Variants in PROM1 observed in about 807,000 individuals in gnomAD.
PROM1 encodes the protein prominin-1.
Under a neutral mutation model 116.9 loss-of-function variants are expected in PROM1, and 105 were observed. The observed-to-expected ratio is 0.90, with a 90% CI of 0.77 to 1.06. The LOEUF is 1.06. PROM1 is among the 50% of genes least tolerant of loss of function. The pLI, the probability that PROM1 is intolerant of heterozygous loss-of-function variation, is 0.00. For synonymous variants in PROM1, 393 were observed against 387.0 expected (o/e 1.02, Z -0.18); for missense variants, 1,122 against 1,045.2 (o/e 1.07, Z -1.01).
At chr4:16,028,477 T>C (rs1277483989) in intron 5 of PROM1, among the ~76,000 whole-genome samples, 1 of 152,166 alleles carries the variant, frequency 6.6e-6, no homozygotes, top group Non-Finnish European at 1.5e-5. Flanking sequence ...TTTTTAAATA[T>C]TAGCAACTAA....
intron 8 of PROM1, among the ~76,000 whole-genome samples, chr4:16,020,720 G>A (rs953073756): frequency 2.0e-5 from 3 of 152,144 alleles, no homozygotes; most frequent in Non-Finnish European, 2.9e-5. Flanking sequence ...CATGGCCCAG[G>A]AAATGTGTAT....
At position 16,042,410 on chromosome 4, in the gene PROM1, G is replaced by A. The variant is rs571108195; in HGVS notation, c.221-3409C>T. Among the ~76,000 whole-genome samples, 6 of 152,250 alleles carry A rather than the reference G, an allele frequency of 3.9e-5. No homozygotes were observed. The South Asian group carries it at 6.2e-4, about 16-fold the overall frequency. ...CATGCATCATGTCACAAAAGCCTGC[G>A]TGGAAAAAGATCCATTCAAAGTGGA... On this transcript the variant is annotated intron_variant, in intron 2 of 27. Transcript: ENST00000447510.
intron 6 of PROM1, among the ~76,000 whole-genome samples, chr4:16,024,931 T>C (rs182255510): frequency 3.9e-5 from 6 of 152,308 alleles, no homozygotes; most frequent in Admixed American, 1.3e-4. Context: ...CTTAAAAGTG[T>C]TAAGTCCTTC....
intron 20 of PROM1, 148 bp downstream of exon 20, chr4:15,987,515 A>T: frequency 1.2e-6 from 1 of 807,408 alleles, no homozygotes; most frequent in Non-Finnish European, 2.0e-6. Context: ...AGGAAATAGT[A>T]GGAAAGCCCA....
In PROM1 at chr4:16,056,450, T is replaced by G. The variant is rs375196262; in HGVS notation, c.221-17449A>C. Among the ~76,000 whole-genome samples, 119 of 152,176 alleles carry G rather than the reference T, an allele frequency of 7.8e-4. 1 individual carries two copies. Among genetic ancestry groups the G allele is most frequent in the African/African-American group, 2.6e-3 (108 of 41,512 alleles). ...GCACCACTCCAGATTCTGGGGCTAT[T>G]GTATGGAGGAGTGAACAAAATCAAT... is the stretch of plus-strand genomic sequence containing the variant. On this transcript the variant is annotated intron_variant, in intron 2 of 27. Transcript: ENST00000447510.
chr4:15,982,247 C>A lies in PROM1; in HGVS notation c.2374-1710G>T, dbSNP rs117118077. On this transcript the variant is annotated intron_variant, in intron 23 of 27. Transcript: ENST00000447510. ...GAGGCCAAATGCCACTTGGAAATAA[C>A]ACCTGCTTCACCCTCACAGCTTGAC... 3.8e-4 allele frequency among the ~76,000 whole-genome samples: 58 copies of A among 152,290 alleles called. No individual in the cohort carries two copies. The East Asian group carries it at 0.011, about 28-fold the overall frequency.
Position 16,010,135 on chromosome 4 carries a change from G to T in PROM1, c.1142-1027C>A, listed in dbSNP as rs182051610. ...GCAAAAACCAATAGTAGTCTCAGTG[G>T]CCAGTTTCTTTTGCTCAGTCGTAAT... On this transcript the variant is annotated intron_variant, in intron 11 of 27. Transcript: ENST00000447510. Among the ~76,000 whole-genome samples the T allele has an allele frequency of 9.2e-5, 14 of 152,196 alleles. No individual in the cohort carries two copies. The Middle Eastern group carries it at 0.014, about 148-fold the overall frequency.
intron 27 of PROM1, among the ~76,000 whole-genome samples, chr4:15,970,515 AT>A (rs1714220553): frequency 6.7e-6 from 1 of 150,140 alleles, no homozygotes; most frequent in African/African-American, 2.5e-5. Context: ...AAGTAAAAAA[AT>A]TTTATTTTTT....
At chr4:15,982,769 G>A (rs992523193) in intron 23 of PROM1, among the ~76,000 whole-genome samples, 4 of 152,180 alleles carry the variant, frequency 2.6e-5, no homozygotes, top group East Asian at 1.9e-4. Flanking sequence ...CAAAGCTGGC[G>A]GCAGGGGCCA....
intron 2 of PROM1, among the ~76,000 whole-genome samples, chr4:16,041,767 T>A (rs199499393): frequency 2.6e-5 from 3 of 114,242 alleles, no homozygotes; most frequent in African/African-American, 3.9e-5. Context: ...AATAAATAAA[T>A]AAATAAATAA....
At chr4:16,027,681 T>C (rs1399985718) in intron 5 of PROM1, among the ~76,000 whole-genome samples, 4 of 152,224 alleles carry the variant, frequency 2.6e-5, no homozygotes, top group African/African-American at 9.6e-5. Context: ...TATTCTTATC[T>C]ATGTTTAATT....
chr4:16,010,956 G>A (rs938071564), intron 11 of PROM1, among the ~76,000 whole-genome samples: 3 of 152,154 alleles, frequency 2.0e-5, no homozygotes, highest in South Asian at 2.1e-4. Flanking sequence ...AATGGCTCGT[G>A]TGTGAAAACA....
chr4:16,050,123 C>T lies in PROM1; in HGVS notation c.221-11122G>A, dbSNP rs936849231. ...TAAAAATACAAAAATTAGCCGGGCGCGGTGGTGGGCACCTATAATCCCAGC... is the reference window on the plus strand; with the variant it reads ...TAAAAATACAAAAATTAGCCGGGCGTGGTGGTGGGCACCTATAATCCCAGC... On this transcript the variant is annotated intron_variant, in intron 2 of 27. Coordinates refer to ENST00000447510, the MANE Select transcript of PROM1 (RefSeq NM_006017.3). 3.2e-4 allele frequency among the ~76,000 whole-genome samples: 48 copies of T among 151,794 alleles called. 1 individual carries two copies. Among genetic ancestry groups the T allele is most frequent in the Admixed American group, 2.4e-3 (36 of 15,232 alleles).
At chr4:16,033,546 C>CT in intron 4 of PROM1, 37 bp from the exon 5 acceptor site, 3 of 1,224,868 alleles carry the variant, frequency 2.4e-6, no homozygotes, top group Non-Finnish European at 3.4e-6. Flanking sequence ...CATATTGTAG[C>CT]ACAAAATAAT....
At chr4:16,069,575 G>A (rs1560613517) in intron 2 of PROM1, among the ~76,000 whole-genome samples, 1 of 152,224 alleles carries the variant, frequency 6.6e-6, no homozygotes. Flanking sequence ...TAGTCCTAGA[G>A]ATGGGAGTTT....
intron 10 of PROM1, 41 bp downstream of exon 10, chr4:16,016,125 A>G: frequency 6.7e-7 from 1 of 1,490,828 alleles, no homozygotes; most frequent in Admixed American, 2.0e-5. Flanking sequence ...ACCCTTTAAA[A>G]TGATATAAAA....
chr4:15,989,739 T>A lies in PROM1; in HGVS notation c.2069A>T (p.Gln690Leu), dbSNP rs1407585025. 6.2e-7 allele frequency: 1 copy of A among 1,600,394 alleles called. No individual in the cohort carries two copies. Among genetic ancestry groups the A allele is most frequent in the Admixed American group, 1.7e-5 (1 of 58,892 alleles). The change falls in exon 19 of 28, where the codon CAA becomes CTA. Residue 690 changes from glutamine (Q) to leucine (L), a missense_variant. Coordinates refer to ENST00000447510, the MANE Select transcript of PROM1 (RefSeq NM_006017.3). ...IHQQRVLPIE[Q>L]SLSTLYQSVK... is the part of the protein sequence containing the mutation. ...TACGTCGTTGACTGTTACCAGTGAT[T>A]GTTCTATAGGAAGGACTCGTTGCTG...
chr4:16,039,686 C>T (rs1480804219), intron 2 of PROM1, among the ~76,000 whole-genome samples: 7 of 146,734 alleles, frequency 4.8e-5, no homozygotes, highest in Non-Finnish European at 5.9e-5. Flanking sequence ...TGCAGTGAGC[C>T]GAAATCGCGC....
intron 13 of PROM1, among the ~76,000 whole-genome samples, chr4:16,005,683 T>A (rs1189701582): frequency 6.6e-6 from 1 of 152,194 alleles, no homozygotes; most frequent in East Asian, 1.9e-4. Context: ...CAGGTTTTGG[T>A]TCTTCACTCC....
Sources: allele counts gnomAD v4.1 joint callset (sites outside exome capture counted in the v4.1 genomes callset), GRCh38; gene constraint gnomAD v4.1.1; transcripts MANE v1.5; gene names NCBI Gene and HGNC (gene_info 2026-07-23, HGNC 2026-07-21).